DLC1: variants seen among roughly 807,000 people sequenced by gnomAD.
DLC1 encodes DLC1 Rho GTPase activating protein.
Under a neutral mutation model 140.3 loss-of-function variants are expected in DLC1, and 54 were observed. The ratio of observed to expected loss-of-function variants is 0.38; its 90% CI spans 0.31 to 0.48. The LOEUF is 0.48. DLC1 is among the 20% of genes least tolerant of loss of function. The pLI is 0.96. For missense variants in DLC1, 2,536 were observed against 1,907.0 expected, an observed-to-expected ratio of 1.33 and a Z score of -6.14; for synonymous variants, 986 against 728.1, an observed-to-expected ratio of 1.35 and a Z score of -5.70.
At chr8:13,122,724 A>C (rs1036376908) in intron 5 of DLC1, among the ~76,000 whole-genome samples, 1 of 151,936 alleles carries the variant, frequency 6.6e-6, no homozygotes, top group Admixed American at 6.6e-5. Context: ...AATCACAGTA[A>C]AGATTTTCAC....
chr8:13,360,276 G>T lies in DLC1; in HGVS notation c.1314+33277C>A, dbSNP rs183593792. ...CACAGAACGAACACTCAATAGACCA[G>T]CCTGCACATTAGAATCACATGGAGA... On this transcript the variant is annotated intron_variant, in intron 4 of 17. Coordinates refer to ENST00000276297, the MANE Select transcript of DLC1 (RefSeq NM_182643.3). Among the ~76,000 whole-genome samples, 147 of 152,278 alleles carry T rather than the reference G, an allele frequency of 9.7e-4. 1 individual carries two copies. The highest frequency in any genetic ancestry group is 1.9e-3 in the Non-Finnish European group (126 of 68,018).
At chr8:13,540,604 T>C (rs1803451079) in intron 1 of DLC1, among the ~76,000 whole-genome samples, 1 of 152,218 alleles carries the variant, frequency 6.6e-6, no homozygotes, top group Admixed American at 6.5e-5. Context: ...CCTACAAGTA[T>C]TGTTCAAAAA....
chr8:13,475,046 C>G (rs1382656145), intron 2 of DLC1, among the ~76,000 whole-genome samples: 1 of 152,152 alleles, frequency 6.6e-6, no homozygotes, highest in Non-Finnish European at 1.5e-5. Flanking sequence ...CTCCTGGACT[C>G]AAGTGATCCA....
chr8:13,201,508 T>C (rs1461470049), intron 5 of DLC1, among the ~76,000 whole-genome samples: 2 of 152,156 alleles, frequency 1.3e-5, no homozygotes, highest in Non-Finnish European at 2.9e-5. Context: ...ACAAGAACTA[T>C]AAAATATAGC....
chr8:13,365,825 C>T (rs1835454226), intron 4 of DLC1, among the ~76,000 whole-genome samples: 1 of 152,076 alleles, frequency 6.6e-6, no homozygotes, highest in Non-Finnish European at 1.5e-5. Context: ...CCTCTCAGCC[C>T]TATTCTTAAA....
At chr8:13,389,591 A>T (rs1836663679) in intron 4 of DLC1, among the ~76,000 whole-genome samples, 2 of 151,916 alleles carry the variant, frequency 1.3e-5, no homozygotes, top group Non-Finnish European at 2.9e-5. Context: ...TATACCTCAG[A>T]AATCTATATT....
chr8:13,434,425 C>G (rs1174654259), intron 2 of DLC1, among the ~76,000 whole-genome samples: 1 of 152,054 alleles, frequency 6.6e-6, no homozygotes, highest in African/African-American at 2.4e-5. Flanking sequence ...TTAGTGTTTT[C>G]TTTGGAGCTG....
At chr8:13,481,000 G>C (rs1374486769) in intron 2 of DLC1, among the ~76,000 whole-genome samples, 1 of 152,208 alleles carries the variant, frequency 6.6e-6, no homozygotes, top group Non-Finnish European at 1.5e-5. Context: ...CAAGAGGCCA[G>C]TTAAGAAAAT....
chr8:13,594,544 T>C (rs896060109), intron 1 of DLC1, among the ~76,000 whole-genome samples: 2 of 152,162 alleles, frequency 1.3e-5, no homozygotes, highest in African/African-American at 4.8e-5. Flanking sequence ...AGTTCTTCGA[T>C]TTTCTGCGTA....
chr8:13,597,018 G>A (rs1480176111), intron 1 of DLC1, among the ~76,000 whole-genome samples: 1 of 151,816 alleles, frequency 6.6e-6, no homozygotes, highest in African/African-American at 2.4e-5. Flanking sequence ...TTGGCACTCT[G>A]ACGTCATCCT....
chr8:13,292,941 G>A (rs142255771), intron 5 of DLC1, among the ~76,000 whole-genome samples: 118 of 152,310 alleles, frequency 7.7e-4, no homozygotes, highest in African/African-American at 2.8e-3. Flanking sequence ...CCAAATTGCA[G>A]GCCAGTCATG....
chr8:13,530,226 A>G (rs1212229299), intron 1 of DLC1, among the ~76,000 whole-genome samples: 1 of 152,186 alleles, frequency 6.6e-6, no homozygotes, highest in Non-Finnish European at 1.5e-5. Context: ...ATATCTATTT[A>G]GATGCTTTTT....
At chr8:13,411,655 C>G (rs942192051) in intron 2 of DLC1, among the ~76,000 whole-genome samples, 1 of 152,122 alleles carries the variant, frequency 6.6e-6, no homozygotes. Flanking sequence ...CATTCTGTAC[C>G]TTCCACTCAA....
chr8:13,285,532 A>G (rs561900589), intron 5 of DLC1, among the ~76,000 whole-genome samples: 1 of 152,314 alleles, frequency 6.6e-6, no homozygotes, highest in Non-Finnish European at 1.5e-5. Context: ...AAAAGAAGAT[A>G]TATGAATGGC....
intron 1 of DLC1, among the ~76,000 whole-genome samples, chr8:13,542,828 A>G (rs1803529852): frequency 1.3e-5 from 2 of 152,124 alleles, no homozygotes; most frequent in South Asian, 4.1e-4. Context: ...AATTTGAGAC[A>G]TGGTTAAATC....
chr8:13,584,965 T>A (rs1177838331), intron 1 of DLC1, among the ~76,000 whole-genome samples: 2 of 152,192 alleles, frequency 1.3e-5, no homozygotes, highest in Non-Finnish European at 2.9e-5. Flanking sequence ...CATTTTGGTG[T>A]ACCCAAACTG....
chr8:13,346,685 A>G (rs1834357900), intron 4 of DLC1, among the ~76,000 whole-genome samples: 1 of 152,212 alleles, frequency 6.6e-6, no homozygotes, highest in Admixed American at 6.5e-5. Flanking sequence ...AGAGAAAGTG[A>G]CAGAGGGCTG....
chr8:13,311,402 A>G (rs901699744), intron 4 of DLC1, among the ~76,000 whole-genome samples: 5 of 152,228 alleles, frequency 3.3e-5, no homozygotes, highest in Admixed American at 3.3e-4. Flanking sequence ...ATCAGAGAAG[A>G]CAATGGAAAT....
chr8:13,420,267 G>C (rs1462309609), intron 2 of DLC1, among the ~76,000 whole-genome samples: 1 of 152,098 alleles, frequency 6.6e-6, no homozygotes, highest in Non-Finnish European at 1.5e-5. Flanking sequence ...ATTAATGCTG[G>C]AATGTAGTGT....
Sources: allele counts gnomAD v4.1 joint callset (sites outside exome capture counted in the v4.1 genomes callset), GRCh38; gene constraint gnomAD v4.1.1; transcripts MANE v1.5; gene names NCBI Gene and HGNC (gene_info 2026-07-23, HGNC 2026-07-21).